RBFOX3: variants seen among roughly 807,000 people sequenced by gnomAD.
RBFOX3 encodes RNA binding protein fox-1 homolog 3.
Under a neutral mutation model 48.7 loss-of-function variants are expected in RBFOX3, and 17 were observed. The ratio of observed to expected loss-of-function variants is 0.35; its 90% confidence interval spans 0.24 to 0.52. The LOEUF is 0.52. RBFOX3 is among the 20% of genes least tolerant of loss of function. RBFOX3 has a pLI of 0.94. For synonymous variants in RBFOX3, 212 were observed against 209.5 expected, an observed-to-expected ratio of 1.01 and a Z score of -0.10; for missense variants, 382 against 497.5, an observed-to-expected ratio of 0.77 and a Z score of 2.21.
chr17:79,147,199 G>T (rs997234235), intron 4 of RBFOX3, among the ~76,000 whole-genome samples: 1 of 152,212 alleles, frequency 6.6e-6, no homozygotes, highest in African/African-American at 2.4e-5. Context: ...CCCAAGTCAG[G>T]AGGACACTGT....
At chr17:79,458,422 C>T (rs1555746538) in intron 2 of RBFOX3, among the ~76,000 whole-genome samples, 2 of 152,014 alleles carry the variant, frequency 1.3e-5, no homozygotes, top group African/African-American at 4.8e-5. Context: ...ACTCAGATTC[C>T]CCAGTGATAT....
intron 2 of RBFOX3, among the ~76,000 whole-genome samples, chr17:79,474,012 G>T (rs1190273099): frequency 6.6e-6 from 1 of 152,074 alleles, no homozygotes; most frequent in African/African-American, 2.4e-5. Context: ...CTTGCAAATC[G>T]GGTAAAAGAA....
At chr17:79,166,657 C>G (rs2048071475) in intron 4 of RBFOX3, among the ~76,000 whole-genome samples, 1 of 152,044 alleles carries the variant, frequency 6.6e-6, no homozygotes, top group South Asian at 2.1e-4. Context: ...GCCCTTGACC[C>G]TCACCATCCA....
intron 2 of RBFOX3, among the ~76,000 whole-genome samples, chr17:79,440,955 A>T (rs2070777169): frequency 6.6e-6 from 1 of 152,216 alleles, no homozygotes; most frequent in African/African-American, 2.4e-5. Context: ...CAGATCAGAG[A>T]CATGCATAGT....
chr17:79,378,447 A>G (rs551017729), intron 2 of RBFOX3, among the ~76,000 whole-genome samples: 1 of 152,326 alleles, frequency 6.6e-6, no homozygotes, highest in African/African-American at 2.4e-5. Flanking sequence ...ATATTTAAAT[A>G]ATACGATTGA....
At chr17:79,453,139 A>G (rs1421932103) in intron 2 of RBFOX3, among the ~76,000 whole-genome samples, 1 of 152,138 alleles carries the variant, frequency 6.6e-6, no homozygotes, top group East Asian at 1.9e-4. Context: ...CTTTCTGTAA[A>G]CCCGGGATGA....
intron 4 of RBFOX3, among the ~76,000 whole-genome samples, chr17:79,154,919 C>T (rs1236185623): frequency 2.0e-5 from 3 of 152,196 alleles, no homozygotes; most frequent in Non-Finnish European, 4.4e-5. Context: ...CTTCCACAGG[C>T]CCCGGGGTCC....
intron 1 of RBFOX3, among the ~76,000 whole-genome samples, chr17:79,545,320 G>A (rs147639481): frequency 7.2e-4 from 110 of 152,296 alleles, no homozygotes; most frequent in Non-Finnish European, 1.2e-3. Context: ...GGGGCCAGCC[G>A]TGTTTGGGTT....
chr17:79,356,608 A>T (rs1233278405), intron 2 of RBFOX3, among the ~76,000 whole-genome samples: 1 of 150,938 alleles, frequency 6.6e-6, no homozygotes, highest in Non-Finnish European at 1.5e-5. Flanking sequence ...ACCTCAGGTG[A>T]CCCACCCACC....
chr17:79,640,267 A>G, the RBFOX3 span, among the ~76,000 whole-genome samples: 1 of 152,318 alleles, frequency 6.6e-6, no homozygotes, highest in South Asian at 2.1e-4. Context: ...GGGCTTGTAC[A>G]GTGAAAATTA....
chr17:79,315,245 A>G (rs2077376899), intron 2 of RBFOX3, among the ~76,000 whole-genome samples: 1 of 152,198 alleles, frequency 6.6e-6, no homozygotes, highest in Admixed American at 6.5e-5. Context: ...AAACCATTTC[A>G]TCCCTAGTGA....
intron 4 of RBFOX3, among the ~76,000 whole-genome samples, chr17:79,171,496 G>A (rs1038624645): frequency 2.6e-5 from 4 of 152,174 alleles, no homozygotes; most frequent in Admixed American, 6.5e-5. Context: ...ACAAATGAGC[G>A]TGGCTGTGTT....
chr17:79,649,661 G>A, the RBFOX3 span, among the ~76,000 whole-genome samples: 1 of 152,202 alleles, frequency 6.6e-6, no homozygotes, highest in East Asian at 1.9e-4. Flanking sequence ...GGCGGAGATA[G>A]CGCCATTGCA....
intron 2 of RBFOX3, among the ~76,000 whole-genome samples, chr17:79,437,525 G>A (rs1391188069): frequency 2.0e-5 from 3 of 152,220 alleles, no homozygotes; most frequent in Non-Finnish European, 1.5e-5. Context: ...AGCTGGCAGA[G>A]CCCGGGACAC....
chr17:79,593,173 C>A (rs1475046925), intron 1 of RBFOX3, among the ~76,000 whole-genome samples: 1 of 152,130 alleles, frequency 6.6e-6, no homozygotes, highest in Non-Finnish European at 1.5e-5. Flanking sequence ...TCTTGGCAGG[C>A]AGACACCCCC....
chr17:79,359,327 C>G (rs2085851508), intron 2 of RBFOX3, among the ~76,000 whole-genome samples: 1 of 152,186 alleles, frequency 6.6e-6, no homozygotes, highest in African/African-American at 2.4e-5. Context: ...ATTTGTAGTA[C>G]TAGTCTATCT....
rs1377599246 is a variant in RBFOX3 at position 79,539,414 on chromosome 17, A to C, written c.-319-56816T>G. Among the ~76,000 whole-genome samples, 3 of 152,208 alleles carry C rather than the reference A, an allele frequency of 2.0e-5. No homozygotes were observed. The East Asian group carries it at 5.8e-4, about 29-fold the overall frequency. On this transcript the variant is annotated intron_variant, in intron 1 of 14. Transcript: ENST00000693108. ...GGAATAAAATAATCACATAGTGTGGAGGCATCTGTCAATACTTTTGACTTT... is the reference window on the plus strand; with the variant it reads ...GGAATAAAATAATCACATAGTGTGGCGGCATCTGTCAATACTTTTGACTTT...
intron 1 of RBFOX3, among the ~76,000 whole-genome samples, chr17:79,509,232 G>A (rs1182885213): frequency 1.3e-5 from 2 of 152,190 alleles, no homozygotes; most frequent in African/African-American, 4.8e-5. Context: ...GGTCCCCAAG[G>A]CGGCCTGGTC....
the RBFOX3 span, among the ~76,000 whole-genome samples, chr17:79,650,626 C>T: frequency 1.3e-5 from 2 of 152,206 alleles, no homozygotes; most frequent in Non-Finnish European, 1.5e-5. Flanking sequence ...CAGAAGTCTC[C>T]GGCCCCTCCA....
Sources: gnomAD v4.1 joint callset for allele counts (sites outside exome capture counted in the v4.1 genomes callset) on GRCh38, gnomAD v4.1.1 for gene constraint, MANE v1.5 for transcripts, NCBI Gene and HGNC (gene_info 2026-07-23, HGNC 2026-07-21) for gene names.